Variants in A2M observed in about 807,000 individuals in gnomAD.
A2M encodes the protein alpha-2-macroglobulin, also known as C3 and PZP-like alpha-2-macroglobulin domain-containing protein 5.
A neutral mutation model predicts 183.9 loss-of-function variants in A2M; 128 were observed. The observed-to-expected ratio is 0.70, with a 90% confidence interval of 0.60 to 0.81. The LOEUF is 0.81. A2M is among the 30% of genes least tolerant of loss of function. The pLI is 0.00. For synonymous variants in A2M, 592 were observed against 670.8 expected, an observed-to-expected ratio of 0.88 and a Z score of 1.81; for missense variants, 1,495 against 1,787.6, an observed-to-expected ratio of 0.84 and a Z score of 2.95.
intron 8 of A2M, 122 bp downstream of exon 8, chr12:9,107,402 A>G: frequency 8.2e-7 from 1 of 1,219,348 alleles, no homozygotes; most frequent in Non-Finnish European, 1.1e-6. Context: ...GAAAAATTAC[A>G]ATAGCCAACA....
chr12:9,084,852 T>C (rs985229358), intron 22 of A2M, among the ~76,000 whole-genome samples: 1 of 152,022 alleles, frequency 6.6e-6, no homozygotes, highest in African/African-American at 2.4e-5. Context: ...TCTAGGTAAA[T>C]GGGGACTAAA....
At chr12:9,081,234 G>T (rs962475245) in intron 22 of A2M, among the ~76,000 whole-genome samples, 1 of 151,976 alleles carries the variant, frequency 6.6e-6, no homozygotes, top group African/African-American at 2.4e-5. Context: ...CAAAAATAAG[G>T]TCATCCTTGT....
rs1333006845 is a variant in A2M, at chr12:9,080,107, A to C, written c.2841T>G (p.Ser947=). Residue 947 remains serine, a synonymous_variant, in exon 23 of 36, where the codon TCT becomes TCG. Coordinates refer to ENST00000318602, the MANE Select transcript of A2M (RefSeq NM_000014.6). The stretch of plus-strand genomic sequence containing the variant: ...CTGGAGACTCACCCAAAACTGAGAC[A>C]GAAGCTCGGGCAGATTCTTCTACCA... ...PNVVEESARA[S]VSVLGDILGS... The C allele has an allele frequency of 1.3e-6, 2 of 1,586,664 alleles. No homozygotes were observed. Among genetic ancestry groups the C allele is most frequent in the African/African-American group, 2.7e-5 (2 of 74,278 alleles).
At chr12:9,094,340 C>CATATATATATATATATATATATAT (rs59647548) in intron 17 of A2M, among the ~76,000 whole-genome samples, 1 of 97,018 alleles carries the variant, frequency 1.0e-5, no homozygotes, top group Non-Finnish European at 2.0e-5. Flanking sequence ...AAAAATTGTG[C>CATATATATATATATATATATATAT]ATATATATAT....
rs570859891 is a variant in A2M at position 9,100,212 on chromosome 12, A to G, written c.1559-689T>C. Among the ~76,000 whole-genome samples the G allele has an allele frequency of 1.2e-3, 188 of 152,322 alleles. No homozygotes were observed. The South Asian group carries it at 0.038, about 31-fold the overall frequency. Reference sequence around the variant, plus strand: ...TAAATCATAACTATCTTGAAAGGGAAAAAAGATATTTATAATAATATAAAT... The same window carrying G: ...TAAATCATAACTATCTTGAAAGGGAGAAAAGATATTTATAATAATATAAAT... On this transcript the variant is annotated intron_variant, in intron 13 of 35. Transcript: ENST00000318602.
rs755999913 is a variant in A2M at position 9,112,510 on chromosome 12, C to A, written c.297G>T (p.Glu99Asp). ...TCACTTGGACAGTGAGGAACATTACCTCCTCATTGGATGAAGACTTTGGGA... is the reference window on the plus strand; with the variant it reads ...TCACTTGGACAGTGAGGAACATTACATCCTCATTGGATGAAGACTTTGGGA... Reference protein sequence around the residue: ...FAVPKSSSNEEVMFLTVQVKG... With the variant: ...FAVPKSSSNEDVMFLTVQVKG... The change falls in exon 3 of 36, where the codon GAG becomes GAT. Residue 99 changes from glutamate to aspartate, a missense_variant. Coordinates refer to ENST00000318602, the MANE Select transcript of A2M (RefSeq NM_000014.6). The A allele has an allele frequency of 1.2e-6, 2 of 1,613,612 alleles. No individual in the cohort carries two copies. Among genetic ancestry groups the A allele is most frequent in the Admixed American group, 3.3e-5 (2 of 59,958 alleles).
chr12:9,072,598 G>A (rs1948610534), intron 30 of A2M, 55 bp downstream of exon 30: 1 of 1,601,878 alleles, frequency 6.2e-7, no homozygotes, highest in African/African-American at 1.3e-5. Flanking sequence ...GGACTTCTCA[G>A]AGAGAACAGC....
chr12:9,077,853 T>C lies in A2M; in HGVS notation c.3124A>G (p.Thr1042Ala). ...GCAAAAGTCTTCAGAACAAAGGCTG[T>C]GAGCCTGACCAGGGAGGAAGCAATC... ...YGRNQGNTWL[T>A]AFVLKTFAQA... Residue 1042 changes from threonine to alanine, a missense_variant, in exon 26 of 36, where the codon ACA becomes GCA. Physicochemically the swap from Thr to Ala is moderately conservative, Grantham distance 58. Transcript: ENST00000318602. The C allele has an allele frequency of 1.2e-6, 2 of 1,614,142 alleles. No individual in the cohort carries two copies. The highest frequency in any genetic ancestry group is 8.5e-7 in the Non-Finnish European group (1 of 1,179,996).
Position 9,068,165 on chromosome 12 carries a change from G to A in A2M, c.4408+18C>T. 1 of 1,612,862 alleles carries A rather than the reference G, an allele frequency of 6.2e-7. No homozygotes were observed. On this transcript the variant is annotated intron_variant, in intron 35 of 35. Coordinates refer to ENST00000318602, the MANE Select transcript of A2M (RefSeq NM_000014.6). ...GAAGGAGCTCTGACTGCCTTTTGGA[G>A]GAGTGTGAGTGGCTTACCTTTGCTG...
chr12:9,095,737 TG>T, intron 15 of A2M, 37 bp from the exon 16 acceptor site: 3 of 1,282,348 alleles, frequency 2.3e-6, no homozygotes, highest in Non-Finnish European at 3.1e-6. Flanking sequence ...CAAACTTATT[TG>T]TGACTTTTTT....
At chr12:9,068,897 A>G in intron 33 of A2M, 55 bp from the exon 34 acceptor site, 1 of 1,323,274 alleles carries the variant, frequency 7.6e-7, no homozygotes, top group Non-Finnish European at 1.0e-6. Context: ...TCTCTCTTTG[A>G]ATTAGTTTAA....
chr12:9,095,420 A>T lies in A2M; in HGVS notation c.2013+119T>A, dbSNP rs756496857. The T allele has an allele frequency of 1.3e-4, 122 of 959,132 alleles. 3 individuals are homozygous for T. In the South Asian group the frequency reaches 1.6e-3, roughly 13 times the overall value. The allele number at this position is 959,132 out of a possible 1,614,324, so 59.4% of individuals were successfully genotyped here. A position where few individuals can be genotyped will look rare whatever the true frequency, so the allele number is the denominator to read the frequency against. Reference sequence around the variant, plus strand: ...GCTGCTATTAGTAGAGAAGCCACTTACCTCTTTATATCCCATTACCCTCAA... The same window carrying T: ...GCTGCTATTAGTAGAGAAGCCACTTTCCTCTTTATATCCCATTACCCTCAA... On this transcript the variant is annotated intron_variant, in intron 16 of 35. Coordinates refer to ENST00000318602, the MANE Select transcript of A2M (RefSeq NM_000014.6).
chr12:9,100,467 T>A (rs1565596942), intron 13 of A2M, among the ~76,000 whole-genome samples: 1 of 152,240 alleles, frequency 6.6e-6, no homozygotes, highest in African/African-American at 2.4e-5. Flanking sequence ...TTTATAGAGA[T>A]GGGGTCTCAC....
intron 1 of A2M, among the ~76,000 whole-genome samples, chr12:9,114,358 T>A (rs1224663335): frequency 6.6e-6 from 1 of 152,186 alleles, no homozygotes; most frequent in Non-Finnish European, 1.5e-5. Flanking sequence ...CCTTACATAT[T>A]TTCAAGTAAA....
intron 1 of A2M, among the ~76,000 whole-genome samples, chr12:9,114,734 AATAC>A (rs58675322): frequency 0.56 from 84,652 of 151,382 alleles, 25,265 homozygotes; most frequent in African/African-American, 0.76. Flanking sequence ...CATATACATA[AATAC>A]ATATATATGT....
At chr12:9,083,728 T>C (rs1290733328) in intron 22 of A2M, among the ~76,000 whole-genome samples, 2 of 136,996 alleles carry the variant, frequency 1.5e-5, no homozygotes, top group Non-Finnish European at 3.2e-5. Flanking sequence ...TTTAAAGCAA[T>C]AATGAAAAAA....
At position 9,093,597 on chromosome 12, in the gene A2M, G is replaced by A; in HGVS notation, c.2126-18C>T. 7.1e-7 allele frequency: 1 copy of A among 1,418,100 alleles called. No individual in the cohort carries two copies. Among genetic ancestry groups the A allele is most frequent in the Non-Finnish European group, 9.6e-7 (1 of 1,036,472 alleles). The allele number at this position is 1,418,100 out of a possible 1,614,324, so 87.8% of individuals were successfully genotyped here. A position where few individuals can be genotyped will look rare whatever the true frequency, so the allele number is the denominator to read the frequency against. On this transcript the variant is annotated intron_variant, in intron 17 of 35. Coordinates refer to ENST00000318602, the MANE Select transcript of A2M (RefSeq NM_000014.6). Reference sequence around the variant, plus strand: ...ATCTGACTCTATGGTGAGTGAGGAAGAAGACATTACAATAAACATACAGAT... The same window carrying A: ...ATCTGACTCTATGGTGAGTGAGGAAAAAGACATTACAATAAACATACAGAT...
chr12:9,089,322 C>A, intron 21 of A2M, 71 bp from the exon 22 acceptor site: 1 of 1,098,674 alleles, frequency 9.1e-7, no homozygotes, highest in South Asian at 1.3e-5. Flanking sequence ...ATGGAGGGAC[C>A]ACAGATATTT....
At chr12:9,105,833 T>C (rs773888110) in intron 10 of A2M, among the ~76,000 whole-genome samples, 1 of 152,194 alleles carries the variant, frequency 6.6e-6, no homozygotes, top group Non-Finnish European at 1.5e-5. Flanking sequence ...CCCACCTGTT[T>C]CCATACAAAG....
Sources: allele counts gnomAD v4.1 joint callset (sites outside exome capture counted in the v4.1 genomes callset), GRCh38; gene constraint gnomAD v4.1.1; transcripts MANE v1.5; gene names NCBI Gene and HGNC (gene_info 2026-07-23, HGNC 2026-07-21).